GALNTL6: variants seen among roughly 807,000 people sequenced by gnomAD.
The protein encoded by GALNTL6 is polypeptide N-acetylgalactosaminyltransferase-like 6.
GALNTL6 carries 46 observed loss-of-function variants against 73.7 expected under a neutral mutation model. The ratio of observed to expected loss-of-function variants is 0.62; its 90% CI spans 0.49 to 0.80. GALNTL6 has a LOEUF of 0.80. Ranked by LOEUF, GALNTL6 falls within the 30% of genes least tolerant of loss-of-function variation. The pLI is 0.00. For missense variants in GALNTL6, 604 were observed against 755.0 expected (o/e 0.80, Z 2.34); for synonymous variants, 259 against 263.7 (o/e 0.98, Z 0.17).
At chr4:172,258,250 C>G (rs1055370848) in intron 3 of GALNTL6, among the ~76,000 whole-genome samples, 1 of 151,034 alleles carries the variant, frequency 6.6e-6, no homozygotes, top group Non-Finnish European at 1.5e-5. Flanking sequence ...ATGTGTCTTC[C>G]CTTTATATTG....
intron 2 of GALNTL6, among the ~76,000 whole-genome samples, chr4:171,956,719 T>C (rs1739060490): frequency 6.6e-6 from 1 of 152,250 alleles, no homozygotes. Context: ...ATTGACTTTA[T>C]TGTTGTTTCT....
intron 5 of GALNTL6, among the ~76,000 whole-genome samples, chr4:172,426,659 A>C (rs1274462663): frequency 6.6e-6 from 1 of 152,176 alleles, no homozygotes; most frequent in Admixed American, 6.6e-5. Flanking sequence ...GCTGTCTGCC[A>C]TTTACAAAGT....
intron 12 of GALNTL6, among the ~76,000 whole-genome samples, chr4:173,025,206 A>G (rs1361764217): frequency 2.0e-5 from 3 of 152,194 alleles, no homozygotes; most frequent in Non-Finnish European, 4.4e-5. Flanking sequence ...GCTGTTTCCT[A>G]CAATAACAGG....
chr4:172,585,372 C>A (rs1031674261), intron 5 of GALNTL6, among the ~76,000 whole-genome samples: 1 of 152,108 alleles, frequency 6.6e-6, no homozygotes, highest in Non-Finnish European at 1.5e-5. Flanking sequence ...GCCCCGCATG[C>A]ATTAGGCATT....
At chr4:172,896,392 C>G (rs937907060) in intron 8 of GALNTL6, among the ~76,000 whole-genome samples, 1 of 152,180 alleles carries the variant, frequency 6.6e-6, no homozygotes, top group African/African-American at 2.4e-5. Context: ...CTTTAAAGGA[C>G]TCTCAGGTTG....
intron 4 of GALNTL6, among the ~76,000 whole-genome samples, chr4:172,334,421 T>G (rs1741237272): frequency 6.6e-6 from 1 of 152,232 alleles, no homozygotes; most frequent in Non-Finnish European, 1.5e-5. Flanking sequence ...TTCAGTTTAT[T>G]TCATCAGTGT....
intron 5 of GALNTL6, among the ~76,000 whole-genome samples, chr4:172,641,477 A>G (rs1188163858): frequency 6.6e-6 from 1 of 152,032 alleles, no homozygotes; most frequent in Non-Finnish European, 1.5e-5. Flanking sequence ...AAAACACACC[A>G]GTCATGCTCC....
At chr4:172,942,436 TG>T (rs1748959448) in intron 9 of GALNTL6, among the ~76,000 whole-genome samples, 1 of 152,234 alleles carries the variant, frequency 6.6e-6, no homozygotes, top group African/African-American at 2.4e-5. Context: ...TAGAAAATGC[TG>T]GTTGTGATTT....
chr4:171,984,995 CAA>C (rs368531253), intron 2 of GALNTL6, among the ~76,000 whole-genome samples: 3 of 136,316 alleles, frequency 2.2e-5, no homozygotes. Flanking sequence ...TCAGCAAAAA[CAA>C]AAAAAAAAAA....
At chr4:172,736,893 A>T (rs950707767) in intron 5 of GALNTL6, among the ~76,000 whole-genome samples, 2 of 152,174 alleles carry the variant, frequency 1.3e-5, no homozygotes, top group Non-Finnish European at 2.9e-5. Context: ...TGATGGTTTT[A>T]TAAAGGACAA....
At chr4:172,029,599 A>C (rs978475738) in intron 2 of GALNTL6, among the ~76,000 whole-genome samples, 1 of 152,044 alleles carries the variant, frequency 6.6e-6, no homozygotes, top group Non-Finnish European at 1.5e-5. Context: ...ATTTCTCTAA[A>C]TGGAACTAAA....
chr4:173,036,309 T>C (rs1753694973), intron 12 of GALNTL6, among the ~76,000 whole-genome samples: 1 of 152,192 alleles, frequency 6.6e-6, no homozygotes, highest in Admixed American at 6.5e-5. Context: ...TGGAATCTTT[T>C]CTGTAACTCA....
At chr4:172,781,512 C>G (rs1213908936) in intron 5 of GALNTL6, among the ~76,000 whole-genome samples, 1 of 151,986 alleles carries the variant, frequency 6.6e-6, no homozygotes, top group African/African-American at 2.4e-5. Flanking sequence ...TTTACATAAC[C>G]CATATTGATG....
chr4:172,491,766 A>G (rs337980), intron 5 of GALNTL6, among the ~76,000 whole-genome samples: 150,893 of 152,288 alleles, frequency 0.99, 74,778 homozygotes, highest in Middle Eastern at 1. Flanking sequence ...TATTTCAACT[A>G]TCTTCAGATT....
rs188363599 is a variant in GALNTL6 at position 172,071,088 on chromosome 4, T to C, written c.139-158568T>C. On this transcript the variant is annotated intron_variant, in intron 2 of 12. Transcript: ENST00000506823. ...AGATCTGATGTAGCGAGGTGAAGAC[T>C]GACTAATGAAGGTGAAAATTGTACT... Among the ~76,000 whole-genome samples, 160 of 109,336 alleles carry C rather than the reference T, an allele frequency of 1.5e-3. 43 individuals carry two copies. Among genetic ancestry groups the C allele is most frequent in the East Asian group, 4.6e-3 (22 of 4,740 alleles). The allele number at this position is 109,336 out of a possible 152,430, so 71.7% of individuals were successfully genotyped here. A position where few individuals can be genotyped will look rare whatever the true frequency, so the allele number is the denominator to read the frequency against.
chr4:172,698,103 G>A (rs564634185), intron 5 of GALNTL6, among the ~76,000 whole-genome samples: 3 of 152,192 alleles, frequency 2.0e-5, no homozygotes, highest in African/African-American at 7.2e-5. Context: ...TATGACAGAA[G>A]AAGTGCCTAC....
intron 2 of GALNTL6, among the ~76,000 whole-genome samples, chr4:172,102,282 C>G (rs1360723264): frequency 6.6e-6 from 1 of 152,180 alleles, no homozygotes; most frequent in Admixed American, 6.5e-5. Flanking sequence ...CTTATTAACT[C>G]TCTTATTTCT....
intron 5 of GALNTL6, among the ~76,000 whole-genome samples, chr4:172,560,358 C>G (rs987738913): frequency 6.6e-6 from 1 of 151,612 alleles, no homozygotes; most frequent in African/African-American, 2.4e-5. Context: ...ATTAGCAGGG[C>G]GTGATGGTGC....
At chr4:172,199,922 A>G (rs1735900089) in intron 2 of GALNTL6, among the ~76,000 whole-genome samples, 1 of 152,196 alleles carries the variant, frequency 6.6e-6, no homozygotes, top group Non-Finnish European at 1.5e-5. Flanking sequence ...TTATTTCCAA[A>G]TAATTCAGAT....
Sources: gnomAD v4.1 joint callset for allele counts (sites outside exome capture counted in the v4.1 genomes callset) on GRCh38, gnomAD v4.1.1 for gene constraint, MANE v1.5 for transcripts, NCBI Gene and HGNC (gene_info 2026-07-23, HGNC 2026-07-21) for gene names.